Variants in ZMIZ2 observed in about 807,000 individuals in gnomAD.
The protein encoded by ZMIZ2 is zinc finger MIZ-type containing 2, also known as zinc finger MIZ domain-containing protein 2.
In ZMIZ2, 26 loss-of-function variants were observed where a neutral mutation model predicts 93.9. That is an observed-to-expected ratio of 0.28 (90% CI 0.20 to 0.38). The LOEUF (loss-of-function observed/expected upper bound fraction) is 0.38, where lower values mean the gene tolerates loss of function less well. Among genes scored for constraint, ZMIZ2 ranks in the 10% least tolerant of loss-of-function variants. The pLI is 1.00. For synonymous variants in ZMIZ2, 485 were observed against 516.4 expected, an observed-to-expected ratio of 0.94 and a Z score of 0.82; for missense variants, 1,023 against 1,235.0, an observed-to-expected ratio of 0.83 and a Z score of 2.57.
chr7:44,765,241 A>T lies in ZMIZ2; in HGVS notation c.1998-94A>T. On this transcript the variant is annotated intron_variant, in intron 15 of 18. Coordinates refer to ENST00000309315, the MANE Select transcript of ZMIZ2 (RefSeq NM_031449.4). The surrounding 1 kb of genome is among the most constrained non-coding windows in gnomAD (Gnocchi z 4.1). ...TGGAAGCAAGCATTTGAGTGGGGGA[A>T]CCTGCCTGGAAACAGCCCAGGGCTG... 4 of 1,569,012 alleles carry T rather than the reference A, an allele frequency of 2.5e-6. No individual in the cohort carries two copies. The highest frequency in any genetic ancestry group is 3.5e-6 in the Non-Finnish European group (4 of 1,157,942).
rs1790682721 is a variant in ZMIZ2, at chr7:44,757,258, C to G, written c.368+109C>G. On this transcript the variant is annotated intron_variant, in intron 4 of 18. Coordinates refer to ENST00000309315, the MANE Select transcript of ZMIZ2 (RefSeq NM_031449.4). ...ACGTTCCCTCTCTGCTTCCTGACAG[C>G]TGTAGTGGAGGGTCTAGAAAGAATG... The G allele has an allele frequency of 2.0e-6, 3 of 1,502,328 alleles. No individual in the cohort carries two copies. In the South Asian group the frequency reaches 3.7e-5, roughly 19 times the overall value. The allele number at this position is 1,502,328 out of a possible 1,614,324, so 93.1% of individuals were successfully genotyped here. A position where few individuals can be genotyped will look rare whatever the true frequency, so the allele number is the denominator to read the frequency against.
In ZMIZ2 at chr7:44,761,669, G is replaced by T. The variant is rs774334280; in HGVS notation, c.1386-26G>T. 30 of 1,613,678 alleles carry T rather than the reference G, an allele frequency of 1.9e-5. No homozygotes were observed. Among genetic ancestry groups the T allele is most frequent in the Non-Finnish European group, 2.5e-5 (30 of 1,179,830 alleles). ...CCCACACTCTCAGGGCCCGTTTTCT[G>T]GGTGTCCACCCATCTTCCTGAGCAG... On this transcript the variant is annotated intron_variant, in intron 10 of 18. Transcript: ENST00000309315. The surrounding 1 kb of genome is among the most constrained non-coding windows in gnomAD (Gnocchi z 5.8).
At chr7:44,759,794 C>G in intron 7 of ZMIZ2, 2 of 447,512 alleles carry the variant, frequency 4.5e-6, no homozygotes, top group Non-Finnish European at 7.9e-6. Flanking sequence ...AGTGTCATTC[C>G]TTCTACTTGC....
In ZMIZ2 at chr7:44,763,428, C is replaced by T; in HGVS notation, c.1860+15C>T. On this transcript the variant is annotated intron_variant, in intron 13 of 18. Transcript: ENST00000309315. This position sits in a 1 kb window ranked among gnomAD's most constrained non-coding sequence, Gnocchi z 5.6. ...GCCACATACAGGTAGGTGGTTACTGCAGAGTCTTGCCGGAATTTGCTGCTG... is the reference window on the plus strand; with the variant it reads ...GCCACATACAGGTAGGTGGTTACTGTAGAGTCTTGCCGGAATTTGCTGCTG... 6.2e-7 allele frequency: 1 copy of T among 1,613,100 alleles called. No homozygotes were observed. Among genetic ancestry groups the T allele is most frequent in the Non-Finnish European group, 8.5e-7 (1 of 1,179,334 alleles).
Position 44,757,433 on chromosome 7 carries a change from A to G in ZMIZ2, c.424A>G (p.Thr142Ala), listed in dbSNP as rs780401082. The change falls in exon 5 of 19, where the codon ACT becomes GCT. Residue 142 changes from threonine (T) to alanine (A), a missense_variant. By Grantham distance (58) the Thr-to-Ala change is moderately conservative (BLOSUM62 0). Coordinates refer to ENST00000309315, the MANE Select transcript of ZMIZ2 (RefSeq NM_031449.4). ...GLPSHAARPS[T>A]DFTQAAAAAA... ...CCCCTCACATGCTGCAAGACCCTCC[A>G]CTGACTTCACGCAAGCGGCAGCTGC... 1.9e-6 allele frequency: 3 copies of G among 1,605,872 alleles called. No individual in the cohort carries two copies. Among genetic ancestry groups the G allele is most frequent in the Non-Finnish European group, 2.5e-6 (3 of 1,179,842 alleles).
chr7:44,759,140 G>T (rs552725943), intron 6 of ZMIZ2, 141 bp from the exon 7 acceptor site: 14 of 571,474 alleles, frequency 2.4e-5, no homozygotes, highest in Non-Finnish European at 3.6e-5. Context: ...GCCTGTGCCT[G>T]ACAGTGTCAC....
chr7:44,756,912 G>T (rs2116705496), intron 3 of ZMIZ2, 35 bp from the exon 4 acceptor site: 1 of 1,609,544 alleles, frequency 6.2e-7, no homozygotes. Flanking sequence ...ACGTTGTTTG[G>T]CTGGTTCCCT....
Position 44,765,140 on chromosome 7 carries a change from G to T in ZMIZ2, c.1997+131G>T. The T allele has an allele frequency of 6.9e-7, 1 of 1,445,280 alleles. No individual in the cohort carries two copies. The highest frequency in any genetic ancestry group is 9.5e-7 in the Non-Finnish European group (1 of 1,057,932). 89.5% of individuals were successfully genotyped at this position (1,445,280 alleles called of 1,614,324 possible). ...CGGCATGGAGCAGGCTGGATTCCAGGCCAGAGACAGCGTGTGTGTCCTACC... is the reference window on the plus strand; with the variant it reads ...CGGCATGGAGCAGGCTGGATTCCAGTCCAGAGACAGCGTGTGTGTCCTACC... On this transcript the variant is annotated intron_variant, in intron 15 of 18. Coordinates refer to ENST00000309315, the MANE Select transcript of ZMIZ2 (RefSeq NM_031449.4). This position sits in a 1 kb window ranked among gnomAD's most constrained non-coding sequence, Gnocchi z 4.1.
chr7:44,766,600 C>T lies in ZMIZ2; in HGVS notation c.2592C>T (p.Ala864=), dbSNP rs1051713522. 1 of 1,613,480 alleles carries T rather than the reference C, an allele frequency of 6.2e-7. No individual in the cohort carries two copies. Among genetic ancestry groups the T allele is most frequent in the Admixed American group, 1.7e-5 (1 of 60,024 alleles). ...GPTGELAFSP[A]TGVMGPPSMS... The stretch of plus-strand genomic sequence containing the variant: ...CGGGTGAACTGGCCTTCAGTCCTGC[C>T]ACAGGCGTGATGGGGCCCCCCAGCA... The change falls in exon 18 of 19, where the codon GCC becomes GCT. Residue 864 remains alanine, a synonymous_variant. Transcript: ENST00000309315. The surrounding 1 kb of genome is among the most constrained non-coding windows in gnomAD (Gnocchi z 4.4).
At chr7:44,762,856 A>G (rs1791345218) in intron 11 of ZMIZ2, 25 bp from the exon 12 acceptor site, 5 of 1,568,552 alleles carry the variant, frequency 3.2e-6, no homozygotes, top group Admixed American at 1.7e-5. Flanking sequence ...AGTCCCCCTG[A>G]TGACATCCTC....
At chr7:44,767,252 C>T (rs772038513) in intron 18 of ZMIZ2, among the ~76,000 whole-genome samples, 29 of 152,170 alleles carry the variant, frequency 1.9e-4, no homozygotes, top group Non-Finnish European at 3.1e-4. Flanking sequence ...CCCTCACATC[C>T]CGTTTCCTGG....
At chr7:44,762,333 T>C (rs1791282618) in intron 11 of ZMIZ2, among the ~76,000 whole-genome samples, 1 of 152,224 alleles carries the variant, frequency 6.6e-6, no homozygotes, top group Non-Finnish European at 1.5e-5. Context: ...AACCAGGATA[T>C]GCAGAAAGCT....
At chr7:44,767,456 G>A (rs1048369060) in intron 18 of ZMIZ2, 60 bp from the exon 19 acceptor site, 2 of 1,372,294 alleles carry the variant, frequency 1.5e-6, no homozygotes, top group African/African-American at 1.4e-5. Flanking sequence ...TGACAGGATG[G>A]TCACTCAGGT....
chr7:44,764,290 C>T (rs1281566732), intron 13 of ZMIZ2, 129 bp from the exon 14 acceptor site: 4 of 818,196 alleles, frequency 4.9e-6, no homozygotes, highest in East Asian at 2.7e-5. Flanking sequence ...CAGTGAAAAC[C>T]TGGTACATGC....
chr7:44,764,791 G>A, intron 14 of ZMIZ2, 150 bp from the exon 15 acceptor site: 1 of 777,572 alleles, frequency 1.3e-6, no homozygotes. Context: ...CTCACATAGG[G>A]TCAGCTCACA....
intron 5 of ZMIZ2, 29 bp downstream of exon 5, chr7:44,757,590 T>C (rs1481560938): frequency 5.1e-6 from 8 of 1,563,804 alleles, no homozygotes; most frequent in Non-Finnish European, 6.9e-6. Flanking sequence ...TCCTCCCACA[T>C]GGCAGCCAGC....
intron 1 of ZMIZ2, 29 bp from the exon 2 acceptor site, chr7:44,756,159 G>A (rs1790569411): frequency 1.9e-6 from 3 of 1,588,252 alleles, no homozygotes; most frequent in Non-Finnish European, 2.6e-6. Context: ...CTGCATCGCA[G>A]CTAACATCCC....
intron 1 of ZMIZ2, chr7:44,751,210 G>A (rs1247888510): frequency 6.6e-6 from 1 of 152,326 alleles, no homozygotes; most frequent in Non-Finnish European, 1.5e-5. Flanking sequence ...TCCCCTCCTT[G>A]TACCTGCCCT....
intron 1 of ZMIZ2, among the ~76,000 whole-genome samples, chr7:44,754,287 C>A (rs1443404258): frequency 6.6e-6 from 1 of 152,178 alleles, no homozygotes. Flanking sequence ...GTGCCTGGAG[C>A]CTTCTGGAGC....
Sources: gnomAD v4.1 joint callset for allele counts (sites outside exome capture counted in the v4.1 genomes callset) on GRCh38, gnomAD v4.1.1 for gene constraint, Gnocchi (gnomAD v3.1) non-coding constraint, MANE v1.5 for transcripts, NCBI Gene and HGNC (gene_info 2026-07-23, HGNC 2026-07-21) for gene names.